ERC2: variants seen among roughly 807,000 people sequenced by gnomAD.
ERC2 encodes the protein ERC protein 2.
A neutral mutation model predicts 114.8 loss-of-function variants in ERC2; 42 were observed. The ratio of observed to expected loss-of-function variants is 0.37; its 90% confidence interval spans 0.29 to 0.47. The LOEUF is 0.47. Ranked by LOEUF, ERC2 falls within the 20% of genes least tolerant of loss-of-function variation. The pLI, the probability that ERC2 is intolerant of heterozygous loss-of-function variation, is 0.99. For synonymous variants in ERC2, 454 were observed against 425.5 expected (o/e 1.07, Z -0.82); for missense variants, 939 against 1,150.7 (o/e 0.82, Z 2.66).
intron 17 of ERC2, among the ~76,000 whole-genome samples, chr3:55,513,520 T>C (rs937634338): frequency 2.0e-5 from 3 of 152,166 alleles, no homozygotes; most frequent in Non-Finnish European, 4.4e-5. Flanking sequence ...TTCTTGACCC[T>C]CTCGGATGTG....
intron 14 of ERC2, among the ~76,000 whole-genome samples, chr3:55,879,027 G>A (rs920962302): frequency 1.3e-5 from 2 of 151,472 alleles, no homozygotes; most frequent in African/African-American, 4.9e-5. Flanking sequence ...GGATGTATTA[G>A]AGCAGTGTCC....
intron 3 of ERC2, among the ~76,000 whole-genome samples, chr3:56,203,199 A>G (rs988605535): frequency 9.2e-5 from 14 of 152,256 alleles, no homozygotes; most frequent in Non-Finnish European, 7.3e-5. Flanking sequence ...GAGACCATCA[A>G]GAATGGGATC....
intron 6 of ERC2, among the ~76,000 whole-genome samples, chr3:56,117,998 C>CCT (rs1390311570): frequency 6.6e-6 from 1 of 152,200 alleles, no homozygotes. Context: ...AATGGGCCAG[C>CCT]CTGGCCACAG....
At chr3:55,528,226 A>G (rs2053453158) in intron 17 of ERC2, among the ~76,000 whole-genome samples, 1 of 152,360 alleles carries the variant, frequency 6.6e-6, no homozygotes, top group East Asian at 1.9e-4. Flanking sequence ...AACCCTGCCT[A>G]GGAACAGCCT....
At position 56,140,196 on chromosome 3, in the gene ERC2, G is replaced by A. The variant is rs1026888520; in HGVS notation, c.1306-520C>T. 3.3e-5 allele frequency among the ~76,000 whole-genome samples: 5 copies of A among 151,910 alleles called. No individual in the cohort carries two copies. The East Asian group carries it at 7.7e-4, about 23-fold the overall frequency. On this transcript the variant is annotated intron_variant, in intron 5 of 17. Transcript: ENST00000288221. Reference sequence around the variant, plus strand: ...AAAAAGAACATAAAATATACGTGAGGTATGAGGAAAAATGACCCAAAAAAT... The same window carrying A: ...AAAAAGAACATAAAATATACGTGAGATATGAGGAAAAATGACCCAAAAAAT...
chr3:55,516,066 G>C (rs1456372212), intron 17 of ERC2, among the ~76,000 whole-genome samples: 1 of 152,144 alleles, frequency 6.6e-6, no homozygotes, highest in East Asian at 1.9e-4. Context: ...ATTCACGACG[G>C]CTTCAGATGC....
At chr3:55,756,120 C>T (rs2067042948) in intron 14 of ERC2, among the ~76,000 whole-genome samples, 1 of 151,944 alleles carries the variant, frequency 6.6e-6, no homozygotes. Flanking sequence ...TTAATGTCTT[C>T]AAAAGTTTGC....
intron 13 of ERC2, among the ~76,000 whole-genome samples, chr3:55,925,247 T>C (rs2065679627): frequency 6.6e-6 from 1 of 152,154 alleles, no homozygotes. Context: ...AATAAATATC[T>C]CAGAGTTATA....
At chr3:55,825,888 T>C (rs2060306021) in intron 14 of ERC2, among the ~76,000 whole-genome samples, 1 of 152,048 alleles carries the variant, frequency 6.6e-6, no homozygotes, top group African/African-American at 2.4e-5. Flanking sequence ...CTCTTTTACA[T>C]GTTGGATTCT....
chr3:55,766,828 C>T (rs2067827852), intron 14 of ERC2: 1 of 152,270 alleles, frequency 6.6e-6, no homozygotes, highest in Admixed American at 6.5e-5. Context: ...AAAGAGCTGC[C>T]AAAAGTCACA....
intron 14 of ERC2, among the ~76,000 whole-genome samples, chr3:55,808,338 A>C (rs1381872000): frequency 6.6e-6 from 1 of 152,196 alleles, no homozygotes; most frequent in Non-Finnish European, 1.5e-5. Context: ...TTGTTGGGAA[A>C]GTAGGAATGC....
intron 17 of ERC2, among the ~76,000 whole-genome samples, chr3:55,674,775 A>G (rs901900333): frequency 2.6e-5 from 4 of 152,282 alleles, no homozygotes; most frequent in Admixed American, 1.3e-4. Flanking sequence ...CTCTGCATAT[A>G]CACAGTGACT....
At chr3:56,177,128 G>A (rs575677198) in intron 3 of ERC2, among the ~76,000 whole-genome samples, 319 of 152,326 alleles carry the variant, frequency 2.1e-3, no homozygotes, top group African/African-American at 7.3e-3. Context: ...TTAAGCCTAT[G>A]AGCTTTCAGG....
chr3:55,874,569 G>GACTTAACAAATC (rs1241466748), intron 14 of ERC2, among the ~76,000 whole-genome samples: 1 of 150,306 alleles, frequency 6.7e-6, no homozygotes, highest in Non-Finnish European at 1.5e-5. Flanking sequence ...TTGTTAGAAT[G>GACTTAACAAATC]ATTTAACAAT....
At chr3:56,433,377 A>C (rs1410361939) in intron 2 of ERC2, among the ~76,000 whole-genome samples, 1 of 152,236 alleles carries the variant, frequency 6.6e-6, no homozygotes, top group Non-Finnish European at 1.5e-5. Flanking sequence ...GGAAATGAAG[A>C]CTGGCTGAGA....
intron 7 of ERC2, among the ~76,000 whole-genome samples, chr3:56,034,482 G>T (rs919364693): frequency 6.6e-6 from 1 of 152,058 alleles, no homozygotes; most frequent in Non-Finnish European, 1.5e-5. Flanking sequence ...TAGACCAAGT[G>T]GGCCTAACAG....
intron 3 of ERC2, among the ~76,000 whole-genome samples, chr3:56,289,901 G>A (rs2054971442): frequency 6.6e-6 from 1 of 152,192 alleles, no homozygotes; most frequent in South Asian, 2.1e-4. Flanking sequence ...GTGTGTGACT[G>A]GAGGCAATTA....
chr3:55,686,064 T>G (rs2062315742), intron 16 of ERC2, among the ~76,000 whole-genome samples: 1 of 152,226 alleles, frequency 6.6e-6, no homozygotes, highest in Non-Finnish European at 1.5e-5. Flanking sequence ...AAAGTGGTAA[T>G]TAATTATGAT....
intron 3 of ERC2, among the ~76,000 whole-genome samples, chr3:56,234,704 C>T (rs1288319416): frequency 6.6e-6 from 1 of 152,136 alleles, no homozygotes; most frequent in African/African-American, 2.4e-5. Flanking sequence ...TGGTGAGAGC[C>T]TTCTTGCTGC....
Sources: allele counts gnomAD v4.1 joint callset (sites outside exome capture counted in the v4.1 genomes callset), GRCh38; gene constraint gnomAD v4.1.1; transcripts MANE v1.5; gene names NCBI Gene and HGNC (gene_info 2026-07-23, HGNC 2026-07-21).